Variants in DMBT1 observed in about 807,000 individuals in gnomAD.
DMBT1 encodes scavenger receptor cysteine-rich domain-containing protein DMBT1.
DMBT1 carries 198 observed loss-of-function variants against 252.9 expected under a neutral mutation model. That is an observed-to-expected ratio of 0.78 (90% CI 0.70 to 0.88). DMBT1 has a LOEUF of 0.88. DMBT1 is among the 40% of genes least tolerant of loss of function. The probability of loss-of-function intolerance (pLI) is 0.00; values close to 1 mark genes in which losing one functional copy is unlikely to be tolerated. For missense variants in DMBT1, 2,432 were observed against 2,404.7 expected (o/e 1.01, Z -0.24); for synonymous variants, 990 against 942.7 (o/e 1.05, Z -0.92).
chr10:122,575,610 A>T (rs926796253), intron 6 of DMBT1, among the ~76,000 whole-genome samples: 3 of 152,160 alleles, frequency 2.0e-5, no homozygotes, highest in Non-Finnish European at 4.4e-5. Context: ...TACTGTTGTG[A>T]CAGGTAATGA....
intron 44 of DMBT1, among the ~76,000 whole-genome samples, chr10:122,623,557 C>T (rs1052643458): frequency 2.6e-5 from 4 of 152,228 alleles, no homozygotes; most frequent in Admixed American, 6.5e-5. Context: ...CGTATCCTCA[C>T]CAACACTTGT....
At chr10:122,621,799 T>C (rs2098072215) in intron 44 of DMBT1, among the ~76,000 whole-genome samples, 1 of 152,150 alleles carries the variant, frequency 6.6e-6, no homozygotes, top group Admixed American at 6.5e-5. Context: ...GAATTCTCAC[T>C]TGAGGCCCCA....
At chr10:122,632,745 T>C in intron 50 of DMBT1, 116 bp from the exon 51 acceptor site, 2 of 1,387,954 alleles carry the variant, frequency 1.4e-6, no homozygotes, top group Middle Eastern at 2.0e-4. Context: ...AAGGCCTGTG[T>C]CCAGCTCCTC....
chr10:122,589,296 T>C lies in DMBT1; in HGVS notation c.2107+29T>C. The C allele has an allele frequency of 3.8e-6, 6 of 1,587,924 alleles. 1 individual carries two copies. Among genetic ancestry groups the C allele is most frequent in the Non-Finnish European group, 5.1e-6 (6 of 1,165,472 alleles). ...GGCCTCCAGCAATTTTGGTTTCCTCTCTTGGGGTAGATTTTGCCCAGGAAG... is the reference window on the plus strand; with the variant it reads ...GGCCTCCAGCAATTTTGGTTTCCTCCCTTGGGGTAGATTTTGCCCAGGAAG... On this transcript the variant is annotated intron_variant, in intron 17 of 55. Transcript: ENST00000338354.
At chr10:122,564,949 T>C (rs1009206173) in intron 1 of DMBT1, among the ~76,000 whole-genome samples, 3 of 152,142 alleles carry the variant, frequency 2.0e-5, no homozygotes, top group African/African-American at 7.2e-5. Context: ...CTCTTTGCCA[T>C]CACAAGTAGA....
chr10:122,634,374 TTCTTTC>T (rs1013983756), intron 52 of DMBT1, among the ~76,000 whole-genome samples: 2 of 123,750 alleles, frequency 1.6e-5, no homozygotes, highest in Admixed American at 8.3e-5. Flanking sequence ...CTTTCTTTCT[TTCTTTC>T]TTTCTTTCTT....
In DMBT1 at chr10:122,589,261, T is replaced by C; in HGVS notation, c.2101T>C (p.Cys701Arg). 3.1e-6 allele frequency: 5 copies of C among 1,588,638 alleles called. No individual in the cohort carries two copies. The highest frequency in any genetic ancestry group is 4.3e-6 in the Non-Finnish European group (5 of 1,165,768). Reference protein sequence around the residue: ...CGHHEDAGVICSAAQSRSTPR... With the variant: ...CGHHEDAGVIRSAAQSRSTPR... ...CCATCATGAAGATGCTGGTGTCATC[T>C]GCTCAGGTGGGCCTCCAGCAATTTT... is the stretch of plus-strand genomic sequence containing the variant. Residue 701 changes from cysteine (C) to arginine (R), a missense_variant, in exon 17 of 56, where the codon TGC (cysteine) becomes CGC (arginine). Cys to Arg is a radical substitution (Grantham distance 180). Coordinates refer to ENST00000338354, the MANE Select transcript of DMBT1 (RefSeq NM_001377530.1).
chr10:122,597,434 A>C (rs1348978600), intron 24 of DMBT1, among the ~76,000 whole-genome samples: 2 of 152,134 alleles, frequency 1.3e-5, no homozygotes, highest in Non-Finnish European at 2.9e-5. Context: ...AAAGCCTTAA[A>C]CATGGCTGCC....
intron 48 of DMBT1, 61 bp downstream of exon 48, chr10:122,630,551 G>A: frequency 6.5e-7 from 1 of 1,541,844 alleles, no homozygotes; most frequent in Non-Finnish European, 8.9e-7. Context: ...GCCTCTTTGG[G>A]GGCACCATGG....
rs766112388 is a variant in DMBT1 at position 122,592,263 on chromosome 10, C to T, written c.2177-9C>T. The T allele has an allele frequency of 1.3e-6, 2 of 1,585,978 alleles. No homozygotes were observed. The highest frequency in any genetic ancestry group is 2.3e-5 in the South Asian group (2 of 86,720). On this transcript the variant is annotated splice_polypyrimidine_tract_variant and intron_variant, in intron 19 of 55. Coordinates refer to ENST00000338354, the MANE Select transcript of DMBT1 (RefSeq NM_001377530.1). The stretch of plus-strand genomic sequence containing the variant: ...GGGATGGATAAAGGGTTCTTGTGTT[C>T]CCCTGTAGGATCTGAATCCAGTTTG...
At chr10:122,632,001 C>A (rs986688986) in intron 50 of DMBT1, 126 bp downstream of exon 50, 11 of 1,095,548 alleles carry the variant, frequency 1.0e-5, no homozygotes, top group Admixed American at 3.7e-5. Context: ...CCTCTACAGC[C>A]CCTGTCCCCT....
At chr10:122,642,193 A>T (rs1445636533) in intron 55 of DMBT1, among the ~76,000 whole-genome samples, 1 of 152,094 alleles carries the variant, frequency 6.6e-6, no homozygotes, top group Non-Finnish European at 1.5e-5. Flanking sequence ...AAACAAAAAC[A>T]AAAAAGAAAA....
At chr10:122,565,412 G>T (rs1182729244) in intron 1 of DMBT1, among the ~76,000 whole-genome samples, 4 of 152,154 alleles carry the variant, frequency 2.6e-5, no homozygotes, top group African/African-American at 7.2e-5. Context: ...AGTTAGAACT[G>T]CTCAAAAAGA....
intron 25 of DMBT1, among the ~76,000 whole-genome samples, chr10:122,598,239 G>A (rs543315876): frequency 6.6e-6 from 1 of 152,218 alleles, no homozygotes; most frequent in East Asian, 1.9e-4. Context: ...CAAGTGGTCA[G>A]GAAACATCCT....
intron 11 of DMBT1, among the ~76,000 whole-genome samples, chr10:122,581,461 AC>A (rs1462979298): frequency 1.3e-5 from 2 of 149,566 alleles, no homozygotes; most frequent in Non-Finnish European, 2.9e-5. Flanking sequence ...CTAACATTTT[AC>A]CTGGCAGTGT....
At chr10:122,571,151 A>C (rs1488932259) in intron 4 of DMBT1, among the ~76,000 whole-genome samples, 1 of 152,216 alleles carries the variant, frequency 6.6e-6, no homozygotes, top group Non-Finnish European at 1.5e-5. Flanking sequence ...TGTGCTCTGC[A>C]TTTTACTTGC....
Position 122,643,439 on chromosome 10 carries a change from C to CCCT in DMBT1, c.*42_*44dup, listed in dbSNP as rs777863382. 4.5e-6 allele frequency: 7 copies of CCCT among 1,572,918 alleles called. No homozygotes were observed. The Admixed American group carries it at 1.1e-4, about 25-fold the overall frequency. The stretch of plus-strand genomic sequence containing the variant: ...CCCCACTGTCCACCGGGGCGCAGAC[C>CCCT]CCTGACTCGGGGACTTGGGATGTTC... On this transcript the variant is annotated 3_prime_UTR_variant, in exon 56 of 56. Coordinates refer to ENST00000338354, the MANE Select transcript of DMBT1 (RefSeq NM_001377530.1).
intron 5 of DMBT1, 24 bp from the exon 6 acceptor site, chr10:122,573,691 G>T: frequency 1.2e-6 from 2 of 1,613,758 alleles, no homozygotes; most frequent in Non-Finnish European, 1.7e-6. Context: ...CGATCAATGA[G>T]CTCTTCCTTT....
intron 19 of DMBT1, among the ~76,000 whole-genome samples, chr10:122,591,962 G>GGA: frequency 6.7e-6 from 1 of 149,128 alleles, no homozygotes; most frequent in Admixed American, 6.6e-5. Flanking sequence ...GGATAGCATA[G>GGA]GCCTGCCCTC....
Sources: allele counts gnomAD v4.1 joint callset (sites outside exome capture counted in the v4.1 genomes callset), GRCh38; gene constraint gnomAD v4.1.1; transcripts MANE v1.5; gene names NCBI Gene and HGNC (gene_info 2026-07-23, HGNC 2026-07-21).